Variants in KIF11 observed in about 807,000 individuals in gnomAD.
The protein encoded by KIF11 is kinesin-like protein KIF11.
A neutral mutation model predicts 121.0 loss-of-function variants in KIF11; 9 were observed. The observed-to-expected ratio is 0.07, with a 90% CI of 0.04 to 0.13. KIF11 has a LOEUF of 0.13. Among genes scored for constraint, KIF11 ranks in the 10% least tolerant of loss-of-function variants. KIF11 has a pLI of 1.00. For synonymous variants in KIF11, 408 were observed against 421.0 expected (o/e 0.97, Z 0.38); for missense variants, 846 against 1,217.5 (o/e 0.69, Z 4.54).
At chr10:92,629,311 GATTTT>G (rs1028146397) in intron 11 of KIF11, among the ~76,000 whole-genome samples, 2 of 151,250 alleles carry the variant, frequency 1.3e-5, no homozygotes, top group Non-Finnish European at 2.9e-5. Flanking sequence ...AAAAAAAAAA[GATTTT>G]ATTTTGCTGA....
chr10:92,616,636 A>G, intron 8 of KIF11, 101 bp from the exon 9 acceptor site: 6 of 600,408 alleles, frequency 1.0e-5, no homozygotes, highest in Non-Finnish European at 1.1e-5. Context: ...AGATATAACT[A>G]TAAAATATTA....
chr10:92,599,766 C>T (rs930104647), intron 1 of KIF11, among the ~76,000 whole-genome samples: 1 of 147,882 alleles, frequency 6.8e-6, no homozygotes, highest in Non-Finnish European at 1.5e-5. Flanking sequence ...AATTCTCCTG[C>T]CTCAGCCTCC....
Position 92,603,264 on chromosome 10 carries a change from T to TTTC in KIF11, c.78-2999_78-2998insCTT, listed in dbSNP as rs1554859093. Among the ~76,000 whole-genome samples the TTTC allele has an allele frequency of 1.0e-3, 19 of 18,934 alleles. No individual in the cohort carries two copies. In the East Asian group the frequency reaches 0.028, roughly 28 times the overall value. The allele number at this position is 18,934 out of a possible 152,430, so 12.4% of individuals were successfully genotyped here. A position where few individuals can be genotyped will look rare whatever the true frequency, so the allele number is the denominator to read the frequency against. On this transcript the variant is annotated intron_variant, in intron 1 of 21. Coordinates refer to ENST00000260731, the MANE Select transcript of KIF11 (RefSeq NM_004523.4). ...CCTTAAACTGCTTTCTTTTCTTTTC[T>TTTC]TTTTTTTTTTTTTTTTTTGAGACAG...
intron 21 of KIF11, among the ~76,000 whole-genome samples, chr10:92,651,551 T>TTTTTTTTTTTTTTTG (rs1844984567): frequency 9.0e-6 from 1 of 110,566 alleles, no homozygotes; most frequent in Non-Finnish European, 1.9e-5. Context: ...TTTTTTTTAG[T>TTTTTTTTTTTTTTTG]AGAGGGGGTT....
At position 92,623,826 on chromosome 10, in the gene KIF11, TAAG is replaced by T. The variant is rs552858010; in HGVS notation, c.1217+2357_1217+2359del. ...ATCTTTCTGATTTTATTTTTGAACT[TAAG>T]AAGTAACTTTGGTTTTCATTTGTTT... On this transcript the variant is annotated intron_variant, in intron 10 of 21. Coordinates refer to ENST00000260731, the MANE Select transcript of KIF11 (RefSeq NM_004523.4). 4.1e-4 allele frequency among the ~76,000 whole-genome samples: 63 copies of T among 152,310 alleles called. 1 individual carries two copies. The highest frequency in any genetic ancestry group is 1.3e-3 in the African/African-American group (53 of 41,576).
At chr10:92,615,279 G>A (rs1439507688) in intron 8 of KIF11, among the ~76,000 whole-genome samples, 5 of 151,966 alleles carry the variant, frequency 3.3e-5, no homozygotes, top group Admixed American at 6.6e-5. Context: ...GGTGGTGCGC[G>A]CCTGTAATCC....
intron 16 of KIF11, among the ~76,000 whole-genome samples, chr10:92,638,233 T>G (rs1386116568): frequency 1.3e-5 from 2 of 152,212 alleles, no homozygotes; most frequent in African/African-American, 4.8e-5. Flanking sequence ...ATTGAGCAAT[T>G]CACTGTGTTT....
intron 1 of KIF11, among the ~76,000 whole-genome samples, chr10:92,604,146 G>C (rs1427176374): frequency 1.3e-5 from 2 of 152,140 alleles, no homozygotes; most frequent in Admixed American, 1.3e-4. Context: ...CCGAAACTTT[G>C]CAATTTCTAA....
At chr10:92,614,920 A>G (rs759255560) in intron 8 of KIF11, among the ~76,000 whole-genome samples, 2 of 152,100 alleles carry the variant, frequency 1.3e-5, no homozygotes, top group Non-Finnish European at 2.9e-5. Context: ...CTGAGTAGCT[A>G]GTACTACAAG....
intron 21 of KIF11, among the ~76,000 whole-genome samples, chr10:92,651,507 G>GTATTTTTTCTTTTTTTTTTTT (rs1554863366): frequency 1.9e-5 from 1 of 52,956 alleles, no homozygotes; most frequent in South Asian, 9.7e-4. Flanking sequence ...GGCTAATTTT[G>GTATTTTTTCTTTTTTTTTTTT]TTTTTTTTTT....
chr10:92,636,401 G>T (rs1844797009), intron 14 of KIF11, among the ~76,000 whole-genome samples: 1 of 152,038 alleles, frequency 6.6e-6, no homozygotes, highest in Non-Finnish European at 1.5e-5. Context: ...TGGATCACTT[G>T]AGGTCAGGAG....
chr10:92,650,383 T>A lies in KIF11; in HGVS notation c.2923-18T>A. On this transcript the variant is annotated intron_variant, in intron 20 of 21. Transcript: ENST00000260731. ...TTAAGCCCTTGGACTTAGTCACTCA[T>A]CCAGTTTCTTCTTTTAGGATGTGGA... 6.9e-7 allele frequency: 1 copy of A among 1,451,156 alleles called. No homozygotes were observed. The highest frequency in any genetic ancestry group is 9.7e-7 in the Non-Finnish European group (1 of 1,031,466). The allele number at this position is 1,451,156 out of a possible 1,614,324, so 89.9% of individuals were successfully genotyped here.
At chr10:92,641,795 T>C (rs1222936283) in intron 17 of KIF11, among the ~76,000 whole-genome samples, 1 of 152,172 alleles carries the variant, frequency 6.6e-6, no homozygotes, top group African/African-American at 2.4e-5. Context: ...TTAGATCTTT[T>C]ATTTTGGTCC....
chr10:92,642,213 A>G (rs7079602), intron 17 of KIF11, among the ~76,000 whole-genome samples: 19,539 of 151,926 alleles, frequency 0.13, 3,354 homozygotes, highest in African/African-American at 0.39. Flanking sequence ...TTCCTATTGT[A>G]CCTTGAAGAT....
intron 14 of KIF11, among the ~76,000 whole-genome samples, chr10:92,636,530 C>T (rs530434305): frequency 2.6e-5 from 4 of 151,888 alleles, no homozygotes; most frequent in Non-Finnish European, 4.4e-5. Flanking sequence ...GCAGGTGAAT[C>T]GCTTGAACCC....
chr10:92,653,210 T>C (rs1845006099), intron 21 of KIF11, among the ~76,000 whole-genome samples: 1 of 152,212 alleles, frequency 6.6e-6, no homozygotes, highest in Admixed American at 6.5e-5. Context: ...CATTTTAAAC[T>C]GGATAATTCT....
chr10:92,639,920 T>C lies in KIF11; in HGVS notation c.2267+20T>C, dbSNP rs2135920475. The C allele has an allele frequency of 7.7e-7, 1 of 1,297,158 alleles. No individual in the cohort carries two copies. Among genetic ancestry groups the C allele is most frequent in the Non-Finnish European group, 1.1e-6 (1 of 908,324 alleles). The allele number at this position is 1,297,158 out of a possible 1,614,324, so 80.4% of individuals were successfully genotyped here. ...ACAGCAGTAAGCTATTTTTAAATTC[T>C]CTTAAACTTTTCTGTAAGTCTGAAA... On this transcript the variant is annotated intron_variant, in intron 17 of 21. Coordinates refer to ENST00000260731, the MANE Select transcript of KIF11 (RefSeq NM_004523.4).
chr10:92,607,608 C>G (rs1228613571), intron 4 of KIF11, among the ~76,000 whole-genome samples: 1 of 152,068 alleles, frequency 6.6e-6, no homozygotes, highest in Non-Finnish European at 1.5e-5. Flanking sequence ...AAGTATAGTA[C>G]TTTATTCATG....
intron 10 of KIF11, among the ~76,000 whole-genome samples, chr10:92,625,238 A>T (rs1037351266): frequency 2.0e-5 from 3 of 152,008 alleles, no homozygotes; most frequent in Non-Finnish European, 4.4e-5. Context: ...ATGGTTTCTC[A>T]TTGTGGTTTT....
Sources: allele counts gnomAD v4.1 joint callset (sites outside exome capture counted in the v4.1 genomes callset), GRCh38; gene constraint gnomAD v4.1.1; transcripts MANE v1.5; gene names NCBI Gene and HGNC (gene_info 2026-07-23, HGNC 2026-07-21).